ZDHHC19: variants seen among roughly 807,000 people sequenced by gnomAD.
ZDHHC19 encodes zDHHC palmitoyltransferase 19, also known as palmitoyltransferase ZDHHC19.
In ZDHHC19, 30 loss-of-function variants were observed where a neutral mutation model predicts 33.9. The observed-to-expected ratio is 0.88, with a 90% CI of 0.66 to 1.20. The LOEUF is 1.20. Among genes scored for constraint, ZDHHC19 ranks in the 50% most tolerant of loss-of-function variants. The pLI, the probability that ZDHHC19 is intolerant of heterozygous loss-of-function variation, is 0.00. For missense variants in ZDHHC19, 364 were observed against 401.1 expected (o/e 0.91, Z 0.79); for synonymous variants, 178 against 167.6 (o/e 1.06, Z -0.48).
chr3:196,198,581 T>G (rs1287119558), intron 6 of ZDHHC19, 130 bp from the exon 7 acceptor site: 2 of 1,550,740 alleles, frequency 1.3e-6, no homozygotes, highest in East Asian at 2.4e-5. Flanking sequence ...TCATCCAGGA[T>G]GCAGCAGCCC....
chr3:196,208,605 G>C, intron 3 of ZDHHC19, 45 bp from the exon 4 acceptor site: 1 of 1,593,558 alleles, frequency 6.3e-7, no homozygotes, highest in Non-Finnish European at 8.6e-7. Flanking sequence ...TTCTCCTCTG[G>C]CCCAAATTCC....
At position 196,208,875 on chromosome 3, in the gene ZDHHC19, C is replaced by G. The variant is rs1722993706; in HGVS notation, c.409-315G>C. 34 of 371,178 alleles carry G rather than the reference C, an allele frequency of 9.2e-5. No homozygotes were observed. In the South Asian group the frequency reaches 1.2e-3, roughly 13 times the overall value. 23.0% of individuals were successfully genotyped at this position (371,178 alleles called of 1,614,324 possible). On this transcript the variant is annotated intron_variant, in intron 3 of 7. Coordinates refer to ENST00000296326, the MANE Select transcript of ZDHHC19 (RefSeq NM_001039617.2). ...TAAACCATCTCTGGACCTCCACTTT[C>G]TCATCCATTCGATGAAGATGACAGT... is the stretch of plus-strand genomic sequence containing the variant.
chr3:196,200,896 C>T (rs1417737166), intron 5 of ZDHHC19, among the ~76,000 whole-genome samples: 2 of 151,586 alleles, frequency 1.3e-5, no homozygotes, highest in African/African-American at 4.9e-5. Flanking sequence ...GCGATCTTCC[C>T]ACCTCAGCCT....
intron 3 of ZDHHC19, 60 bp from the exon 4 acceptor site, chr3:196,208,620 C>G: frequency 6.4e-7 from 1 of 1,569,110 alleles, no homozygotes; most frequent in South Asian, 1.2e-5. Flanking sequence ...AATTCCATCA[C>G]CCCAAATCCT....
intron 3 of ZDHHC19, chr3:196,208,867 T>C: frequency 2.6e-6 from 1 of 384,288 alleles, no homozygotes; most frequent in Non-Finnish European, 4.8e-6. Context: ...TCTCTGGACC[T>C]CCACTTTCTC....
Position 196,206,685 on chromosome 3 carries a change from T to C in ZDHHC19, c.687+713A>G, listed in dbSNP as rs1431348284. Among the ~76,000 whole-genome samples the C allele has an allele frequency of 9.2e-4, 133 of 144,244 alleles. 1 individual carries two copies. Among genetic ancestry groups the C allele is most frequent in the Non-Finnish European group, 1.6e-3 (102 of 65,606 alleles). 94.6% of individuals were successfully genotyped at this position (144,244 alleles called of 152,430 possible). Reference sequence around the variant, plus strand: ...TTTTCTTTTCTTTTCTTTTCTTTTTTTTTTTTTTTTTTTGGAGGCAGAGTC... The same window carrying C: ...TTTTCTTTTCTTTTCTTTTCTTTTTCTTTTTTTTTTTTTGGAGGCAGAGTC... On this transcript the variant is annotated intron_variant, in intron 5 of 7. Transcript: ENST00000296326.
Position 196,208,381 on chromosome 3 carries a change from C to G in ZDHHC19, c.581+7G>C. On this transcript the variant is annotated splice_region_variant and intron_variant, in intron 4 of 7. Coordinates refer to ENST00000296326, the MANE Select transcript of ZDHHC19 (RefSeq NM_001039617.2). ...CTCCTCTCCTGCTTCCCCACGTGGGCGGATACGCGATGGCCTTGTCGGTGG... is the reference window on the plus strand; with the variant it reads ...CTCCTCTCCTGCTTCCCCACGTGGGGGGATACGCGATGGCCTTGTCGGTGG... 7 of 1,611,442 alleles carry G rather than the reference C, an allele frequency of 4.3e-6. No individual in the cohort carries two copies. The highest frequency in any genetic ancestry group is 5.9e-6 in the Non-Finnish European group (7 of 1,178,746).
chr3:196,206,448 G>C (rs1722736631), intron 5 of ZDHHC19, among the ~76,000 whole-genome samples: 1 of 151,464 alleles, frequency 6.6e-6, no homozygotes, highest in Non-Finnish European at 1.5e-5. Context: ...CATCTCCCGG[G>C]CTCAAACAAT....
At chr3:196,207,788 C>T (rs1310962431) in intron 4 of ZDHHC19, among the ~76,000 whole-genome samples, 1 of 93,664 alleles carries the variant, frequency 1.1e-5, no homozygotes, top group Admixed American at 1.1e-4. Context: ...CCCCGCCCCC[C>T]GGACGCCCGC....
rs373762265 is a variant in ZDHHC19 at position 196,198,372 on chromosome 3, A to G, written c.853T>C (p.Ser285Pro). ...GCTGGGGGGTTGAGAGCAGAGGGGG[A>G]CATTGGAGGGTGCAGATTCGGCATG... ...TSMPNLHPPM[S>P]PSALNPPAPT... The change falls in exon 7 of 8, where the codon TCC (serine) becomes CCC (proline). Residue 285 changes from serine to proline, a missense_variant. Ser to Pro is a moderately conservative substitution (Grantham distance 74). Coordinates refer to ENST00000296326, the MANE Select transcript of ZDHHC19 (RefSeq NM_001039617.2). The G allele has an allele frequency of 2.3e-4, 347 of 1,531,220 alleles. 1 individual carries two copies. Among genetic ancestry groups the G allele is most frequent in the Non-Finnish European group, 2.9e-4 (329 of 1,138,724 alleles). The allele number at this position is 1,531,220 out of a possible 1,614,324, so 94.9% of individuals were successfully genotyped here. A position where few individuals can be genotyped will look rare whatever the true frequency, so the allele number is the denominator to read the frequency against.
At chr3:196,200,544 C>G (rs549393705) in intron 5 of ZDHHC19, among the ~76,000 whole-genome samples, 5 of 149,130 alleles carry the variant, frequency 3.4e-5, no homozygotes, top group East Asian at 1.9e-4. Context: ...TTAGTAGAGA[C>G]GGGGTTTCAC....
At chr3:196,199,011 G>A in intron 5 of ZDHHC19, 137 bp from the exon 6 acceptor site, 1 of 759,206 alleles carries the variant, frequency 1.3e-6, no homozygotes, top group Admixed American at 2.2e-5. Flanking sequence ...CCAGGAGACT[G>A]AAGGACCTCC....
At chr3:196,205,483 G>C (rs749453298) in intron 5 of ZDHHC19, among the ~76,000 whole-genome samples, 2 of 152,156 alleles carry the variant, frequency 1.3e-5, no homozygotes, top group Non-Finnish European at 2.9e-5. Flanking sequence ...CCACAGGTAG[G>C]GGGAGAAATT....
chr3:196,211,181 G>A lies in ZDHHC19; in HGVS notation c.135C>T (p.Phe45=). 6.2e-7 allele frequency: 1 copy of A among 1,614,196 alleles called. No individual in the cohort carries two copies. The highest frequency in any genetic ancestry group is 8.5e-7 in the Non-Finnish European group (1 of 1,180,034). ...CCTGGAAAACTCACGGGAATGCGAAGAAGAGGCCACTGAAAAAGACCAGCA... is the reference window on the plus strand; with the variant it reads ...CCTGGAAAACTCACGGGAATGCGAAAAAGAGGCCACTGAAAAAGACCAGCA... The part of the protein sequence containing the change: ...VVLLVFFSGL[F]FAFPCRWLAQ... The change falls in exon 1 of 8, where the codon TTC becomes TTT. Residue 45 remains phenylalanine, a synonymous_variant. Coordinates refer to ENST00000296326, the MANE Select transcript of ZDHHC19 (RefSeq NM_001039617.2).
chr3:196,209,951 G>A (rs1342894979), intron 2 of ZDHHC19, among the ~76,000 whole-genome samples: 2 of 152,194 alleles, frequency 1.3e-5, no homozygotes, highest in Non-Finnish European at 2.9e-5. Flanking sequence ...CAGCACTTTG[G>A]GAGGCCGAGG....
chr3:196,209,400 G>C lies in ZDHHC19; in HGVS notation c.384C>G (p.Cys128Trp), dbSNP rs1179447455. Residue 128 changes from cysteine (C) to tryptophan (W), a missense_variant, in exon 3 of 8, where the codon TGC (cysteine) becomes TGG (tryptophan). Coordinates refer to ENST00000296326, the MANE Select transcript of ZDHHC19 (RefSeq NM_001039617.2). Reference protein sequence around the residue: ...CFHRPPRTYHCPWCNICVEDF... With the variant: ...CFHRPPRTYHWPWCNICVEDF... ...CCTCCACACAGATGTTGCACCAGGG[G>C]CAGTGGTAAGTCCGGGGCGGGCGGT... 6.2e-7 allele frequency: 1 copy of C among 1,605,056 alleles called. No individual in the cohort carries two copies. The highest frequency in any genetic ancestry group is 1.7e-5 in the Admixed American group (1 of 58,442).
rs773350192 is a variant in ZDHHC19, at chr3:196,209,510, C to T, written c.274G>A (p.Ala92Thr). 5.6e-6 allele frequency: 9 copies of T among 1,612,658 alleles called. No homozygotes were observed. The highest frequency in any genetic ancestry group is 1.1e-5 in the South Asian group (1 of 90,826). The part of the protein sequence containing the change: ...SDPGILHQGS[A>T]EQGPLTVHVV... ...TGCACCGTCAAGGGGCCCTGCTCAGCGGAGCCTGGCGTGGGAAGAGGATTG... is the reference window on the plus strand; with the variant it reads ...TGCACCGTCAAGGGGCCCTGCTCAGTGGAGCCTGGCGTGGGAAGAGGATTG... The change falls in exon 3 of 8, where the codon GCT (alanine) becomes ACT (threonine). Residue 92 changes from alanine to threonine, a missense_variant. Transcript: ENST00000296326.
Position 196,210,730 on chromosome 3 carries a change from A to C in ZDHHC19, c.154T>G (p.Trp52Gly). 1 of 1,613,584 alleles carries C rather than the reference A, an allele frequency of 6.2e-7. No homozygotes were observed. Among genetic ancestry groups the C allele is most frequent in the East Asian group, 2.2e-5 (1 of 44,884 alleles). The change falls in exon 2 of 8, where the codon TGG (tryptophan) becomes GGG (glycine). Residue 52 changes from tryptophan to glycine, a missense_variant. Physicochemically the swap from Trp to Gly is radical, Grantham distance 184. Transcript: ENST00000296326. ...SGLFFAFPCR[W>G]LAQNGEWAFP... The stretch of plus-strand genomic sequence containing the variant: ...GCCCACTCCCCGTTCTGAGCCAGCC[A>C]CCTGCAACTGAGACCAGAGGCAGGC...
In ZDHHC19 at chr3:196,200,393, C is replaced by T. The variant is rs1356065420; in HGVS notation, c.688-1519G>A. 3.8e-4 allele frequency among the ~76,000 whole-genome samples: 52 copies of T among 138,222 alleles called. 1 individual carries two copies. Among genetic ancestry groups the T allele is most frequent in the Non-Finnish European group, 2.1e-4 (14 of 65,630 alleles). The allele number at this position is 138,222 out of a possible 152,430, so 90.7% of individuals were successfully genotyped here. A position where few individuals can be genotyped will look rare whatever the true frequency, so the allele number is the denominator to read the frequency against. On this transcript the variant is annotated intron_variant, in intron 5 of 7. Transcript: ENST00000296326. ...TTTTTGAGATGGAGTCTTGCTCTGT[C>T]ACCCAGGCTGGAGTGCAGTGGCGCG... is the stretch of plus-strand genomic sequence containing the variant.
Sources: allele counts gnomAD v4.1 joint callset (sites outside exome capture counted in the v4.1 genomes callset), GRCh38; gene constraint gnomAD v4.1.1; transcripts MANE v1.5; gene names NCBI Gene and HGNC (gene_info 2026-07-23, HGNC 2026-07-21).